The following PAH variants were observed in gnomAD, a reference collection of about 807,000 sequenced individuals.
PAH encodes the protein phenylalanine-4-hydroxylase.
Under a neutral mutation model 62.0 loss-of-function variants are expected in PAH, and 64 were observed. The observed-to-expected ratio is 1.03, with a 90% CI of 0.84 to 1.27. The LOEUF (loss-of-function observed/expected upper bound fraction) is 1.27. PAH is among the 50% of genes most tolerant of loss of function. The pLI is 0.00. For missense variants in PAH, 579 were observed against 542.8 expected, an observed-to-expected ratio of 1.07 and a Z score of -0.66; for synonymous variants, 195 against 196.2, an observed-to-expected ratio of 0.99 and a Z score of 0.05.
chr12:102,930,688 G>A (rs975100481), intron 1 of PAH, among the ~76,000 whole-genome samples: 1 of 152,212 alleles, frequency 6.6e-6, no homozygotes, highest in Non-Finnish European at 1.5e-5. Flanking sequence ...AGTTTGGAGA[G>A]CATGTTATAT....
chr12:102,943,918 C>G (rs1481549080), intron 1 of PAH, among the ~76,000 whole-genome samples: 1 of 152,094 alleles, frequency 6.6e-6, no homozygotes, highest in African/African-American at 2.4e-5. Context: ...TGAAAAATTA[C>G]CTATCAGATA....
upstream of PAH, among the ~76,000 whole-genome samples, chr12:102,919,627 T>A (rs1327541566): frequency 6.6e-6 from 1 of 152,040 alleles, no homozygotes; most frequent in Non-Finnish European, 1.5e-5. Flanking sequence ...GGTAATTAGC[T>A]CTCTACTCTC....
chr12:102,885,597 C>T (rs961841715), intron 3 of PAH, among the ~76,000 whole-genome samples: 5 of 152,174 alleles, frequency 3.3e-5, no homozygotes, highest in South Asian at 2.1e-4. Flanking sequence ...TGGACACCCA[C>T]GTAGTGGTCC....
At position 102,924,917 on chromosome 12, in the gene PAH, G is replaced by A. The variant is rs962384480; in HGVS notation, c.-95-7692C>T. 9.2e-5 allele frequency among the ~76,000 whole-genome samples: 14 copies of A among 152,262 alleles called. 2 individuals are homozygous for A. The highest frequency in any genetic ancestry group is 7.9e-4 in the Admixed American group (12 of 15,286). On this transcript the variant is annotated intron_variant, in intron 1 of 3. Transcript: ENST00000546844. ...ATTCCTGGTTTACTCATTTGCCAATGTTATGAAAGTGTGGAAAGTCTGCCT... is the reference window on the plus strand; with the variant it reads ...ATTCCTGGTTTACTCATTTGCCAATATTATGAAAGTGTGGAAAGTCTGCCT...
chr12:102,941,859 G>C (rs1259844830), intron 1 of PAH, among the ~76,000 whole-genome samples: 1 of 152,058 alleles, frequency 6.6e-6, no homozygotes, highest in Non-Finnish European at 1.5e-5. Context: ...TGCAGAAAAG[G>C]CTTTTGATAA....
At chr12:102,919,028 G>C (rs1408488232), upstream of PAH, among the ~76,000 whole-genome samples, 2 of 152,140 alleles carry the variant, frequency 1.3e-5, no homozygotes, top group African/African-American at 2.4e-5. Context: ...TAGACACTGT[G>C]CCACGCTCTC....
At chr12:102,866,347 G>A (rs1000262323) in intron 5 of PAH, among the ~76,000 whole-genome samples, 2 of 152,076 alleles carry the variant, frequency 1.3e-5, no homozygotes, top group Admixed American at 6.5e-5. Flanking sequence ...GCTTGGGAGA[G>A]AGCAGGGCCC....
upstream of PAH, among the ~76,000 whole-genome samples, chr12:102,918,370 G>A (rs1016837092): frequency 1.3e-5 from 2 of 152,126 alleles, no homozygotes; most frequent in African/African-American, 4.8e-5. Flanking sequence ...GTAATGGGCT[G>A]TAAGAAAATA....
intron 7 of PAH, 34 bp from the exon 8 acceptor site, chr12:102,851,790 G>A: frequency 1.3e-6 from 2 of 1,584,616 alleles, no homozygotes; most frequent in Non-Finnish European, 1.7e-6. Flanking sequence ...GCTCGGAGGG[G>A]AGGAGGTTTA....
intron 2 of PAH, chr12:102,904,686 T>C: frequency 2.2e-6 from 1 of 460,458 alleles, no homozygotes; most frequent in Admixed American, 2.4e-5. Flanking sequence ...TTCCTTTAAT[T>C]TCATTTTATA....
At chr12:102,938,201 T>A (rs1879169884) in intron 1 of PAH, among the ~76,000 whole-genome samples, 1 of 151,900 alleles carries the variant, frequency 6.6e-6, no homozygotes, top group Non-Finnish European at 1.5e-5. Flanking sequence ...CAAGGGAGTA[T>A]CCCCACCATG....
chr12:102,911,028 G>GAATTACA (rs1878182845), intron 2 of PAH, among the ~76,000 whole-genome samples: 1 of 152,180 alleles, frequency 6.6e-6, no homozygotes, highest in South Asian at 2.1e-4. Context: ...TCATTCCAGA[G>GAATTACA]GTTACAATCT....
intron 5 of PAH, among the ~76,000 whole-genome samples, chr12:102,862,056 C>T (rs1389075432): frequency 1.3e-5 from 2 of 151,296 alleles, no homozygotes; most frequent in Non-Finnish European, 2.9e-5. Flanking sequence ...TTATGAGGTA[C>T]ATACCCAAAG....
intron 2 of PAH, among the ~76,000 whole-genome samples, chr12:102,903,190 G>A (rs924060195): frequency 2.0e-5 from 3 of 152,016 alleles, no homozygotes; most frequent in Non-Finnish European, 2.9e-5. Flanking sequence ...GTGAAACCCC[G>A]TCTCAACTAA....
Position 102,947,643 on chromosome 12 carries a change from T to A in PAH, c.-96+2946A>T, listed in dbSNP as rs1364639194. On this transcript the variant is annotated intron_variant, in intron 1 of 3. Transcript: ENST00000546844. Reference sequence around the variant, plus strand: ...AGGAGGAGAGAATCTCAAGAAGAGATGAGTGATCAGCAGGGCCAGATGCAT... The same window carrying A: ...AGGAGGAGAGAATCTCAAGAAGAGAAGAGTGATCAGCAGGGCCAGATGCAT... 2.0e-5 allele frequency among the ~76,000 whole-genome samples: 3 copies of A among 152,116 alleles called. No homozygotes were observed. In the South Asian group the frequency reaches 6.2e-4, roughly 31 times the overall value.
chr12:102,854,203 T>C (rs1875304344), intron 6 of PAH, among the ~76,000 whole-genome samples: 1 of 152,132 alleles, frequency 6.6e-6, no homozygotes, highest in Admixed American at 6.6e-5. Flanking sequence ...GTCATCTAAC[T>C]CACCCCCAAA....
chr12:102,917,335 GA>G, upstream of PAH: 1 of 610,220 alleles, frequency 1.6e-6, no homozygotes, highest in Non-Finnish European at 3.0e-6. Context: ...CAGCCTGCCG[GA>G]TGCTCCAGGT....
chr12:102,871,933 AAAAAAAAAAAAAAAAAATATATATATAT>A (rs755660218), intron 4 of PAH, among the ~76,000 whole-genome samples: 18,196 of 107,572 alleles, frequency 0.17, 1,686 homozygotes, highest in East Asian at 0.46. Flanking sequence ...AAAAAAAAAA[AAAAAAAAAAAAAAAAAATATATATATAT>A]ATATATATAT....
At chr12:102,951,637 C>T (rs1463007025), upstream of PAH, among the ~76,000 whole-genome samples, 1 of 152,134 alleles carries the variant, frequency 6.6e-6, no homozygotes, top group Admixed American at 6.5e-5. Context: ...TCTTCCCCAC[C>T]CCCGAGTTCC....
Sources: gnomAD v4.1 joint callset for allele counts (sites outside exome capture counted in the v4.1 genomes callset) on GRCh38, gnomAD v4.1.1 for gene constraint, MANE v1.5 for transcripts, NCBI Gene and HGNC (gene_info 2026-07-23, HGNC 2026-07-21) for gene names.